Variants in PARD3 observed in about 807,000 individuals in gnomAD.
The protein encoded by PARD3 is par-3 family cell polarity regulator, also known as partitioning defective 3 homolog.
Under a neutral mutation model 155.4 loss-of-function variants are expected in PARD3, and 75 were observed. The observed-to-expected ratio is 0.48, with a 90% CI of 0.40 to 0.58. The LOEUF (loss-of-function observed/expected upper bound fraction) is 0.58. Ranked by LOEUF, PARD3 falls within the 20% of genes least tolerant of loss-of-function variation. The pLI is 0.00. For missense variants in PARD3, 1,642 were observed against 1,721.7 expected, an observed-to-expected ratio of 0.95 and a Z score of 0.82; for synonymous variants, 576 against 610.5, an observed-to-expected ratio of 0.94 and a Z score of 0.83.
intron 16 of PARD3, among the ~76,000 whole-genome samples, chr10:34,341,200 A>C (rs1341266869): frequency 2.3e-5 from 3 of 132,960 alleles, no homozygotes; most frequent in Non-Finnish European, 5.0e-5. Flanking sequence ...AAAAAAAAAA[A>C]CACTTTAAAA....
chr10:34,772,686 C>T (rs760707555), intron 1 of PARD3, among the ~76,000 whole-genome samples: 9 of 147,938 alleles, frequency 6.1e-5, no homozygotes, highest in East Asian at 2.0e-4. Flanking sequence ...TCCAGCTACT[C>T]GGGAGGCTGA....
At chr10:34,710,149 G>C (rs1440619222) in intron 1 of PARD3, among the ~76,000 whole-genome samples, 4 of 152,132 alleles carry the variant, frequency 2.6e-5, no homozygotes, top group Non-Finnish European at 5.9e-5. Flanking sequence ...TAACAATAGA[G>C]AATGGGAACT....
intron 19 of PARD3, among the ~76,000 whole-genome samples, chr10:34,325,250 T>A (rs1958619523): frequency 6.6e-6 from 1 of 152,106 alleles, no homozygotes; most frequent in African/African-American, 2.4e-5. Flanking sequence ...TCTCAAGTGA[T>A]CCACCTGCCT....
At chr10:34,338,084 A>C (rs1415103406) in intron 16 of PARD3, among the ~76,000 whole-genome samples, 1 of 152,264 alleles carries the variant, frequency 6.6e-6, no homozygotes, top group Admixed American at 6.5e-5. Flanking sequence ...TCATAAGAAA[A>C]ATACTAAACC....
At chr10:34,308,843 C>T (rs1317712729) in intron 20 of PARD3, among the ~76,000 whole-genome samples, 1 of 152,122 alleles carries the variant, frequency 6.6e-6, no homozygotes. Context: ...TCGGACTGAG[C>T]ACCTGGGGCA....
intron 2 of PARD3, among the ~76,000 whole-genome samples, chr10:34,560,742 G>T (rs370380388): frequency 6.6e-6 from 1 of 152,170 alleles, no homozygotes. Flanking sequence ...AAACCATGGC[G>T]TGTCCACTGC....
At chr10:34,441,154 C>G (rs1464582501) in intron 5 of PARD3, among the ~76,000 whole-genome samples, 1 of 152,072 alleles carries the variant, frequency 6.6e-6, no homozygotes, top group Non-Finnish European at 1.5e-5. Flanking sequence ...CCCCAGCATA[C>G]CTAATGGTAC....
intron 3 of PARD3, among the ~76,000 whole-genome samples, chr10:34,475,801 A>G (rs561626438): frequency 7.9e-5 from 12 of 152,262 alleles, no homozygotes; most frequent in Admixed American, 3.3e-4. Context: ...TTTGAATTTT[A>G]TCTTTAGCAA....
At chr10:34,453,904 T>C (rs1289673014) in intron 4 of PARD3, among the ~76,000 whole-genome samples, 1 of 152,228 alleles carries the variant, frequency 6.6e-6, no homozygotes, top group Non-Finnish European at 1.5e-5. Context: ...AATTTTACAA[T>C]TTTATATTTG....
chr10:34,587,728 T>C (rs1290748328), intron 2 of PARD3, among the ~76,000 whole-genome samples: 7 of 152,216 alleles, frequency 4.6e-5, no homozygotes. Context: ...TGCTCCTCCA[T>C]GCTCTGAGTT....
intron 2 of PARD3, among the ~76,000 whole-genome samples, chr10:34,675,382 A>T (rs76632395): frequency 0.012 from 1,776 of 152,310 alleles, 11 homozygotes; most frequent in Non-Finnish European, 0.017. Flanking sequence ...GTGTCAAAGA[A>T]GATGATTGAA....
At chr10:34,368,937 T>C (rs1840279540) in intron 12 of PARD3, among the ~76,000 whole-genome samples, 1 of 151,846 alleles carries the variant, frequency 6.6e-6, no homozygotes, top group Non-Finnish European at 1.5e-5. Flanking sequence ...CTTGTTTATT[T>C]AAAAAAAATT....
intron 1 of PARD3, among the ~76,000 whole-genome samples, chr10:34,699,335 AT>A (rs960619310): frequency 1.1e-4 from 16 of 151,566 alleles, no homozygotes; most frequent in Middle Eastern, 3.4e-3. Flanking sequence ...AAATAAAAAA[AT>A]AATAAATAAA....
chr10:34,742,415 C>G (rs776474198), intron 1 of PARD3, among the ~76,000 whole-genome samples: 9 of 152,158 alleles, frequency 5.9e-5, no homozygotes, highest in Non-Finnish European at 1.5e-5. Context: ...TCCACTGCCA[C>G]AACAGATCTC....
intron 2 of PARD3, among the ~76,000 whole-genome samples, chr10:34,560,986 G>A (rs934145324): frequency 2.6e-5 from 4 of 152,114 alleles, no homozygotes; most frequent in African/African-American, 9.7e-5. Context: ...CCACTATTTG[G>A]GATAAGCTTT....
At chr10:34,787,246 G>A (rs1841081167) in intron 1 of PARD3, among the ~76,000 whole-genome samples, 1 of 152,274 alleles carries the variant, frequency 6.6e-6, no homozygotes, top group South Asian at 2.1e-4. Flanking sequence ...GGGTGTGGTG[G>A]CGGGCGCCTG....
At chr10:34,751,689 G>A (rs1332874016) in intron 1 of PARD3, among the ~76,000 whole-genome samples, 1 of 151,668 alleles carries the variant, frequency 6.6e-6, no homozygotes, top group African/African-American at 2.4e-5. Context: ...CTGCAGCCTC[G>A]ACTTCCCAGG....
chr10:34,119,460 G>A (rs1588832002), intron 24 of PARD3, among the ~76,000 whole-genome samples, 153 bp downstream of exon 24: 1 of 152,322 alleles, frequency 6.6e-6, no homozygotes, highest in Non-Finnish European at 1.5e-5. Flanking sequence ...CCCACGCTAA[G>A]GAACAGTAGC....
intron 2 of PARD3, among the ~76,000 whole-genome samples, chr10:34,666,567 A>C (rs1372247454): frequency 6.6e-6 from 1 of 151,740 alleles, no homozygotes; most frequent in African/African-American, 2.4e-5. Context: ...AGGATTCCTC[A>C]TGTGTTGTAC....
Sources: gnomAD v4.1 joint callset for allele counts (sites outside exome capture counted in the v4.1 genomes callset) on GRCh38, gnomAD v4.1.1 for gene constraint, MANE v1.5 for transcripts, NCBI Gene and HGNC (gene_info 2026-07-23, HGNC 2026-07-21) for gene names.